MTA2: variants seen among roughly 807,000 people sequenced by gnomAD.
The protein encoded by MTA2 is metastasis associated 1 family member 2.
A neutral mutation model predicts 87.1 loss-of-function variants in MTA2; 22 were observed. The observed-to-expected ratio is 0.25, with a 90% CI of 0.18 to 0.36. The LOEUF (loss-of-function observed/expected upper bound fraction) is 0.36. MTA2 is among the 10% of genes least tolerant of loss of function. The probability of loss-of-function intolerance (pLI) is 1.00; values close to 1 mark genes in which losing one functional copy is unlikely to be tolerated. For synonymous variants in MTA2, 314 were observed against 310.1 expected (o/e 1.01, Z -0.13); for missense variants, 542 against 853.2 (o/e 0.64, Z 4.54).
Position 62,594,987 on chromosome 11 carries a change from C to A in MTA2, c.1567G>T (p.Asp523Tyr). The A allele has an allele frequency of 6.2e-7, 1 of 1,614,072 alleles. No individual in the cohort carries two copies. Among genetic ancestry groups the A allele is most frequent in the Non-Finnish European group, 8.5e-7 (1 of 1,179,996 alleles). Residue 523 changes from aspartate to tyrosine, a missense_variant, in exon 15 of 18, where the codon GAT (aspartate) becomes TAT (tyrosine). Around this residue, in one of 6 missense-constraint regions of MTA2, gnomAD observed 269 missense variants for 346.4 expected, o/e 0.78. Coordinates refer to ENST00000278823, the MANE Select transcript of MTA2 (RefSeq NM_004739.4). The stretch of plus-strand genomic sequence containing the variant: ...ACTGGTCCCCATCCCATACCCAGAT[C>A]TTTGACGATAGTTGCCAGGGGCAGC... ...VRLPLATIVK[D>Y]LVAQAPLKPK...
chr11:62,597,994 G>C (rs773022721), intron 6 of MTA2, 30 bp downstream of exon 6: 1 of 1,577,816 alleles, frequency 6.3e-7, no homozygotes, highest in South Asian at 1.1e-5. Flanking sequence ...AGACAACCTG[G>C]TAGCCGTACA....
intron 8 of MTA2, 24 bp from the exon 9 acceptor site, chr11:62,596,849 T>G (rs964495580): frequency 3.8e-6 from 6 of 1,575,632 alleles, no homozygotes; most frequent in Non-Finnish European, 4.3e-6. Flanking sequence ...GGAGAGCAAC[T>G]GAGGACCTGA....
At position 62,594,623 on chromosome 11, in the gene MTA2, G is replaced by C; in HGVS notation, c.1585C>G (p.Pro529Ala). ...CCCCGAGGTGTTTTTGGTTTCAGGG[G>C]TGCCTGGGCCACTGGAAAAAAACAG... ...TIVKDLVAQAPLKPKTPRGTK... is the reference protein window; with the variant it reads ...TIVKDLVAQAALKPKTPRGTK... Residue 529 changes from proline (P) to alanine (A), a missense_variant, in exon 16 of 18, where the codon CCC becomes GCC. This residue lies in a region of MTA2 where 269 missense variants were observed against 346.4 expected (regional missense o/e 0.78). Transcript: ENST00000278823. 1 of 1,613,964 alleles carries C rather than the reference G, an allele frequency of 6.2e-7. No homozygotes were observed. The highest frequency in any genetic ancestry group is 2.2e-5 in the East Asian group (1 of 44,876).
intron 7 of MTA2, 61 bp downstream of exon 7, chr11:62,597,549 G>T: frequency 6.6e-7 from 1 of 1,526,578 alleles, no homozygotes; most frequent in South Asian, 1.1e-5. Flanking sequence ...TAAGAACCAT[G>T]GGACTCAGAA....
At chr11:62,596,150 G>A in intron 11 of MTA2, 43 bp from the exon 12 acceptor site, 1 of 1,606,812 alleles carries the variant, frequency 6.2e-7, no homozygotes, top group Middle Eastern at 1.7e-4. Context: ...CAAGAAACTG[G>A]TCAAGGAAAA....
intron 15 of MTA2, among the ~76,000 whole-genome samples, 166 bp from the exon 16 acceptor site, chr11:62,594,800 TTATCAAATC>T (rs1454335682): frequency 7.2e-5 from 11 of 152,206 alleles, no homozygotes; most frequent in Non-Finnish European, 1.6e-4. Context: ...CAGTATGACC[TTATCAAATC>T]AGTACAGTAA....
intron 7 of MTA2, 84 bp downstream of exon 7, chr11:62,597,522 GAAAT>G: frequency 6.7e-7 from 1 of 1,503,000 alleles, no homozygotes; most frequent in Non-Finnish European, 9.2e-7. Context: ...GGCAATGAAA[GAAAT>G]AAAGTCCATC....
In MTA2 at chr11:62,596,472, G is replaced by A. The variant is rs1404832006; in HGVS notation, c.943C>T (p.Arg315Trp). The A allele has an allele frequency of 1.2e-6, 2 of 1,613,998 alleles. No homozygotes were observed. Among genetic ancestry groups the A allele is most frequent in the Admixed American group, 1.7e-5 (1 of 60,004 alleles). The change falls in exon 10 of 18, where the codon CGG (arginine) becomes TGG (tryptophan). Residue 315 changes from arginine (R) to tryptophan (W), a missense_variant. Transcript: ENST00000278823. ...CCAGATAATACCTGCTGAATATACCGGTCTGTGGTTTTCCACATGTAATAA... is the reference window on the plus strand; with the variant it reads ...CCAGATAATACCTGCTGAATATACCAGTCTGTGGTTTTCCACATGTAATAA... The part of the protein sequence containing the change: ...QFYYMWKTTD[R>W]YIQQKRLKAA...
rs1942203955 is a variant in MTA2 at position 62,601,625 on chromosome 11, G to C, written c.-175C>G. ...GCCGTCGCGGTTCATCCCGGCCCGC[G>C]CTGTCGCCGCCGCAGCTATCGCCTC... On this transcript the variant is annotated 5_prime_UTR_variant, in exon 1 of 18. Coordinates refer to ENST00000278823, the MANE Select transcript of MTA2 (RefSeq NM_004739.4). 2 of 656,756 alleles carry C rather than the reference G, an allele frequency of 3.0e-6. No homozygotes were observed. Among genetic ancestry groups the C allele is most frequent in the Non-Finnish European group, 4.9e-6 (2 of 411,574 alleles). The allele number at this position is 656,756 out of a possible 1,614,324, so 40.7% of individuals were successfully genotyped here.
chr11:62,600,330 A>T, intron 2 of MTA2, 71 bp from the exon 3 acceptor site: 1 of 1,337,336 alleles, frequency 7.5e-7, no homozygotes, highest in Non-Finnish European at 1.1e-6. Flanking sequence ...ACAGAAATGC[A>T]CAAAGAGACA....
At chr11:62,600,905 AAGAG>A (rs1187921048) in intron 1 of MTA2, 1 of 551,286 alleles carries the variant, frequency 1.8e-6, no homozygotes, top group African/African-American at 1.9e-5. Context: ...CTTTACTCAA[AAGAG>A]AGCCTTAAGG....
intron 6 of MTA2, 48 bp downstream of exon 6, chr11:62,597,976 T>C (rs781684568): frequency 3.9e-6 from 6 of 1,524,214 alleles, no homozygotes; most frequent in South Asian, 3.4e-5. Context: ...AAAGTGCCCC[T>C]TGGAATTAGA....
In MTA2 at chr11:62,595,779, C is replaced by T; in HGVS notation, c.1227G>A (p.Gln409=). The change falls in exon 13 of 18, where the codon CAG becomes CAA. Residue 409 remains glutamine (Q), a synonymous_variant. Transcript: ENST00000278823. The surrounding 1 kb of genome is among the most constrained non-coding windows in gnomAD (Gnocchi z 4.9). The part of the protein sequence containing the change: ...KKYGGLKTPT[Q]LEGATRGTTE... ...TGGTGCCCCGAGTGGCCCCCTCAAG[C>T]TGAGTTGGGGTCTTCAGTCCCCCAT... 1 of 1,614,216 alleles carries T rather than the reference C, an allele frequency of 6.2e-7. No individual in the cohort carries two copies. The highest frequency in any genetic ancestry group is 8.5e-7 in the Non-Finnish European group (1 of 1,180,048).
chr11:62,594,691 A>G lies in MTA2; in HGVS notation c.1574-57T>C, dbSNP rs77169497. Reference sequence around the variant, plus strand: ...TCTTCCCACGCAGTTCCCCTTTGTTACTTCCATCTCTCTTCCCTGGACCAG... The same window carrying G: ...TCTTCCCACGCAGTTCCCCTTTGTTGCTTCCATCTCTCTTCCCTGGACCAG... On this transcript the variant is annotated intron_variant, in intron 15 of 17. Transcript: ENST00000278823. 189 of 1,491,530 alleles carry G rather than the reference A, an allele frequency of 1.3e-4. No individual in the cohort carries two copies. In the East Asian group the frequency reaches 4.0e-3, roughly 32 times the overall value. The allele number at this position is 1,491,530 out of a possible 1,614,324, so 92.4% of individuals were successfully genotyped here.
chr11:62,595,967 GC>G lies in MTA2; in HGVS notation c.1114+42del, dbSNP rs1565044025. On this transcript the variant is annotated intron_variant, in intron 12 of 17. Coordinates refer to ENST00000278823, the MANE Select transcript of MTA2 (RefSeq NM_004739.4). The surrounding 1 kb of genome is among the most constrained non-coding windows in gnomAD (Gnocchi z 4.9). ...CCCTCAGATTCTTGAGCCACAGCAG[GC>G]CTTCCACCCATCCCCACCATCCCAG... The G allele has an allele frequency of 6.2e-7, 1 of 1,613,894 alleles. No individual in the cohort carries two copies.
intron 4 of MTA2, 29 bp downstream of exon 4, chr11:62,598,493 A>G: frequency 1.2e-6 from 2 of 1,610,160 alleles, no homozygotes; most frequent in Non-Finnish European, 1.7e-6. Context: ...AAGTGCACGC[A>G]GGCTATGCTG....
At chr11:62,600,585 C>T in intron 2 of MTA2, 37 bp downstream of exon 2, 2 of 1,588,710 alleles carry the variant, frequency 1.3e-6, no homozygotes, top group African/African-American at 1.3e-5. Flanking sequence ...GAAGAGACCA[C>T]TGCGGGAGGG....
At position 62,601,795 on chromosome 11, in the gene MTA2, C is replaced by A; in HGVS notation, c.-345G>T. ...TGGGCTCTGCCGGCCGCAGGGAAGG[C>A]TTGCCGGGCCCGCCTCAGGGTTCGC... On this transcript the variant is annotated 5_prime_UTR_variant, in exon 1 of 18. Coordinates refer to ENST00000278823, the MANE Select transcript of MTA2 (RefSeq NM_004739.4). 1 of 504,424 alleles carries A rather than the reference C, an allele frequency of 2.0e-6. No individual in the cohort carries two copies. Among genetic ancestry groups the A allele is most frequent in the East Asian group, 3.5e-5 (1 of 28,462 alleles). 31.2% of individuals were successfully genotyped at this position (504,424 alleles called of 1,614,324 possible).
chr11:62,594,398 C>G lies in MTA2; in HGVS notation c.1702G>C (p.Ala568Pro). ...VKRAYETMAG[A>P]GVPFSANGRP... Reference sequence around the variant, plus strand: ...CCATTGGCAGAGAAAGGAACCCCTGCCCCTGCCATCTGGAAAAGGGGTAGG... The same window carrying G: ...CCATTGGCAGAGAAAGGAACCCCTGGCCCTGCCATCTGGAAAAGGGGTAGG... The change falls in exon 17 of 18, where the codon GCA becomes CCA. Residue 568 changes from alanine to proline, a missense_variant. Transcript: ENST00000278823. 1 of 1,614,180 alleles carries G rather than the reference C, an allele frequency of 6.2e-7. No individual in the cohort carries two copies. The highest frequency in any genetic ancestry group is 8.5e-7 in the Non-Finnish European group (1 of 1,180,042).
Sources: allele counts gnomAD v4.1 joint callset (sites outside exome capture counted in the v4.1 genomes callset), GRCh38; gene constraint gnomAD v4.1.1; regional missense constraint gnomAD v4.1.1; non-coding constraint Gnocchi (gnomAD v3.1); transcripts MANE v1.5; gene names NCBI Gene and HGNC (gene_info 2026-07-23, HGNC 2026-07-21).